CPQ: variants seen among roughly 807,000 people sequenced by gnomAD.
CPQ encodes the protein carboxypeptidase Q, also known as Ser-Met dipeptidase.
A neutral mutation model predicts 45.7 loss-of-function variants in CPQ; 37 were observed. The ratio of observed to expected loss-of-function variants is 0.81; its 90% CI spans 0.62 to 1.07. The LOEUF is 1.07. CPQ is among the 50% of genes least tolerant of loss of function. The pLI, the probability that CPQ is intolerant of heterozygous loss-of-function variation, is 0.00. For missense variants in CPQ, 537 were observed against 572.9 expected, an observed-to-expected ratio of 0.94 and a Z score of 0.64; for synonymous variants, 186 against 205.8, an observed-to-expected ratio of 0.90 and a Z score of 0.82.
intron 1 of CPQ, among the ~76,000 whole-genome samples, chr8:96,750,253 A>T (rs1810241086): frequency 6.6e-6 from 1 of 151,976 alleles, no homozygotes. Context: ...TAATACTCAA[A>T]TTATAAAGAA....
chr8:96,974,851 G>C (rs1278270665), intron 5 of CPQ, among the ~76,000 whole-genome samples: 1 of 151,954 alleles, frequency 6.6e-6, no homozygotes, highest in Non-Finnish European at 1.5e-5. Context: ...AAACCTCTGG[G>C]ATACAGCAAA....
At chr8:96,786,920 A>T (rs143778680) in intron 2 of CPQ, among the ~76,000 whole-genome samples, 64 of 152,262 alleles carry the variant, frequency 4.2e-4, no homozygotes, top group Non-Finnish European at 8.4e-4. Context: ...TATTGTATAT[A>T]CAAGTCCCTT....
At chr8:96,849,761 T>G (rs754116166) in intron 3 of CPQ, among the ~76,000 whole-genome samples, 5 of 152,216 alleles carry the variant, frequency 3.3e-5, no homozygotes, top group African/African-American at 1.2e-4. Flanking sequence ...TATGTTTTAC[T>G]GGCCTGATCC....
At chr8:97,003,941 A>G (rs571735924) in intron 5 of CPQ, among the ~76,000 whole-genome samples, 192 of 152,336 alleles carry the variant, frequency 1.3e-3, no homozygotes, top group Middle Eastern at 6.8e-3. Context: ...ACATTTTGGT[A>G]TGTGTTGAGA....
intron 1 of CPQ, among the ~76,000 whole-genome samples, chr8:96,781,450 C>G (rs1415549379): frequency 1.3e-5 from 2 of 152,096 alleles, no homozygotes; most frequent in Non-Finnish European, 2.9e-5. Flanking sequence ...GATAAATAAC[C>G]CATTCCCTCA....
chr8:96,854,026 A>C (rs1484350201), intron 3 of CPQ, among the ~76,000 whole-genome samples: 1 of 152,220 alleles, frequency 6.6e-6, no homozygotes, highest in Non-Finnish European at 1.5e-5. Context: ...CTGGGCCTTT[A>C]GCACATTATT....
chr8:96,970,799 G>A (rs931561282), intron 5 of CPQ, among the ~76,000 whole-genome samples: 1 of 152,070 alleles, frequency 6.6e-6, no homozygotes, highest in Non-Finnish European at 1.5e-5. Flanking sequence ...TCCTGACCTC[G>A]TGATCCGCCC....
Position 97,077,754 on chromosome 8 carries a change from GT to G in CPQ, c.1255+11545del, listed in dbSNP as rs375266895. ...ATTGTCACAAATCTCCAAAAAATTT[GT>G]GGAAAAAAATATTTGAAAAAGTGGA... On this transcript the variant is annotated intron_variant, in intron 7 of 7. Transcript: ENST00000220763. Among the ~76,000 whole-genome samples, 187 of 151,902 alleles carry G rather than the reference GT, an allele frequency of 1.2e-3. 1 individual carries two copies. Among genetic ancestry groups the G allele is most frequent in the African/African-American group, 4.4e-3 (184 of 41,440 alleles).
chr8:96,972,577 C>T (rs915198600), intron 5 of CPQ, among the ~76,000 whole-genome samples: 3 of 152,220 alleles, frequency 2.0e-5, no homozygotes, highest in Admixed American at 6.5e-5. Context: ...GGCCAACCAA[C>T]ACAAAACCAA....
intron 4 of CPQ, among the ~76,000 whole-genome samples, chr8:96,934,837 G>A (rs927657556): frequency 3.3e-5 from 5 of 152,106 alleles, no homozygotes; most frequent in African/African-American, 1.2e-4. Context: ...ATTATGAAGG[G>A]CCATACCCAA....
intron 2 of CPQ, among the ~76,000 whole-genome samples, chr8:96,820,603 G>C (rs1178088448): frequency 2.0e-5 from 3 of 151,760 alleles, no homozygotes; most frequent in African/African-American, 7.3e-5. Flanking sequence ...TTAACATAAT[G>C]GTCTTCAATT....
chr8:96,893,320 A>G (rs747868946), intron 4 of CPQ, among the ~76,000 whole-genome samples: 16 of 152,208 alleles, frequency 1.1e-4, no homozygotes, highest in Non-Finnish European at 7.3e-5. Flanking sequence ...TTGAACAACT[A>G]CTATGTGCAG....
At chr8:97,012,192 T>C (rs1035875139) in intron 5 of CPQ, among the ~76,000 whole-genome samples, 1 of 152,232 alleles carries the variant, frequency 6.6e-6, no homozygotes, top group Non-Finnish European at 1.5e-5. Context: ...AGAGTTGCAA[T>C]GATTGCGGCA....
intron 4 of CPQ, among the ~76,000 whole-genome samples, chr8:96,912,273 C>T (rs1259216929): frequency 3.3e-5 from 5 of 152,156 alleles, no homozygotes; most frequent in African/African-American, 1.2e-4. Context: ...AGTCTTATAA[C>T]ATTAGTAGGT....
intron 1 of CPQ, among the ~76,000 whole-genome samples, chr8:96,782,841 C>T (rs192064928): frequency 1.3e-5 from 2 of 152,288 alleles, no homozygotes; most frequent in East Asian, 3.9e-4. Context: ...TTAAATTCTG[C>T]CTTCTGTTAA....
chr8:97,142,838 A>G (rs1005110989), intron 7 of CPQ, among the ~76,000 whole-genome samples, 182 bp from the exon 8 acceptor site: 7 of 152,248 alleles, frequency 4.6e-5, no homozygotes, highest in African/African-American at 1.7e-4. Context: ...CCGGCTACTC[A>G]CATCATAGTC....
At chr8:97,014,659 A>G (rs1343402245) in intron 5 of CPQ, among the ~76,000 whole-genome samples, 2 of 151,274 alleles carry the variant, frequency 1.3e-5, no homozygotes, top group East Asian at 1.9e-4. Context: ...AAAAAAAAAA[A>G]GGATTAGTAC....
At chr8:96,771,117 A>T (rs1443774334) in intron 1 of CPQ, among the ~76,000 whole-genome samples, 1 of 147,092 alleles carries the variant, frequency 6.8e-6, no homozygotes, top group Non-Finnish European at 1.5e-5. Flanking sequence ...ATATATATTT[A>T]TATATTTTAA....
At chr8:96,703,539 G>T (rs2245031) in intron 1 of CPQ, among the ~76,000 whole-genome samples, 150,504 of 152,280 alleles carry the variant, frequency 0.99, 74,383 homozygotes, top group Middle Eastern at 1. Flanking sequence ...GTGTGTGTGT[G>T]TTTTTCTTTT....
Sources: allele counts gnomAD v4.1 joint callset (sites outside exome capture counted in the v4.1 genomes callset), GRCh38; gene constraint gnomAD v4.1.1; transcripts MANE v1.5; gene names NCBI Gene and HGNC (gene_info 2026-07-23, HGNC 2026-07-21).